The following DLC1 variants were observed in gnomAD, a reference collection of about 807,000 sequenced individuals.
The protein encoded by DLC1 is rho GTPase-activating protein 7.
In DLC1, 54 loss-of-function variants were observed where a neutral mutation model predicts 140.3. The ratio of observed to expected loss-of-function variants is 0.38; its 90% confidence interval spans 0.31 to 0.48. The LOEUF (loss-of-function observed/expected upper bound fraction) is 0.48, where lower values mean the gene tolerates loss of function less well. Among genes scored for constraint, DLC1 ranks in the 20% least tolerant of loss-of-function variants. The pLI, the probability that DLC1 is intolerant of heterozygous loss-of-function variation, is 0.96. For missense variants in DLC1, 2,536 were observed against 1,907.0 expected (o/e 1.33, Z -6.14); for synonymous variants, 986 against 728.1 (o/e 1.35, Z -5.70).
At chr8:13,513,321 A>G (rs1183271333) in intron 1 of DLC1, among the ~76,000 whole-genome samples, 2 of 152,276 alleles carry the variant, frequency 1.3e-5, no homozygotes, top group South Asian at 2.1e-4. Flanking sequence ...TATCTTCCAC[A>G]TATATAAAAA....
At chr8:13,255,738 C>G (rs1586014374) in intron 5 of DLC1, among the ~76,000 whole-genome samples, 1 of 152,208 alleles carries the variant, frequency 6.6e-6, no homozygotes, top group African/African-American at 2.4e-5. Flanking sequence ...GTCATGATCA[C>G]TTTCCGTCCA....
chr8:13,162,667 G>A (rs1380744893), intron 5 of DLC1, among the ~76,000 whole-genome samples: 1 of 152,094 alleles, frequency 6.6e-6, no homozygotes, highest in Admixed American at 6.5e-5. Flanking sequence ...GGTACAGTGG[G>A]TACAGCTCAC....
At chr8:13,569,865 G>A (rs1453438118) in intron 1 of DLC1, among the ~76,000 whole-genome samples, 1 of 152,098 alleles carries the variant, frequency 6.6e-6, no homozygotes, top group African/African-American at 2.4e-5. Flanking sequence ...GGGACTACAG[G>A]TGCGTGCCGC....
chr8:13,191,564 C>T lies in DLC1; in HGVS notation c.1349-75907G>A, dbSNP rs188079232. ...AGAAAGTAAAGTATGTGCCTGGTGG[C>T]GTGCACTGAAGACAGTATTTAAGAT... On this transcript the variant is annotated intron_variant, in intron 5 of 17. Coordinates refer to ENST00000276297, the MANE Select transcript of DLC1 (RefSeq NM_182643.3). Among the ~76,000 whole-genome samples the T allele has an allele frequency of 3.0e-3, 451 of 152,284 alleles. 1 individual carries two copies. Among genetic ancestry groups the T allele is most frequent in the Non-Finnish European group, 4.9e-3 (334 of 68,016 alleles).
At chr8:13,179,495 C>G (rs1488546311) in intron 5 of DLC1, among the ~76,000 whole-genome samples, 1 of 152,088 alleles carries the variant, frequency 6.6e-6, no homozygotes, top group East Asian at 1.9e-4. Flanking sequence ...CTGAGGCAGA[C>G]AGATTGCTTG....
At chr8:13,365,792 T>C (rs13277620) in intron 4 of DLC1, among the ~76,000 whole-genome samples, 32,203 of 151,936 alleles carry the variant, frequency 0.21, 4,165 homozygotes, top group Non-Finnish European at 0.26. Flanking sequence ...AAAAAATCAC[T>C]CAACTGCTAA....
chr8:13,132,956 T>G, intron 5 of DLC1: 4 of 1,610,674 alleles, frequency 2.5e-6, no homozygotes, highest in Non-Finnish European at 3.4e-6. Context: ...GTTAGGATCA[T>G]GGTGTCCGGC....
At chr8:13,538,156 G>T (rs184715742) in intron 1 of DLC1, among the ~76,000 whole-genome samples, 2 of 152,040 alleles carry the variant, frequency 1.3e-5, no homozygotes, top group Admixed American at 1.3e-4. Flanking sequence ...GGAGAAATAG[G>T]CCTTCTTAAA....
intron 2 of DLC1, among the ~76,000 whole-genome samples, chr8:13,420,110 C>G (rs1052240861): frequency 4.0e-5 from 6 of 151,764 alleles, no homozygotes; most frequent in East Asian, 3.9e-4. Context: ...CTCTTTTTTT[C>G]TTTATTAGTC....
At chr8:13,196,883 G>T (rs1170829502) in intron 5 of DLC1, among the ~76,000 whole-genome samples, 2 of 152,186 alleles carry the variant, frequency 1.3e-5, no homozygotes, top group Non-Finnish European at 2.9e-5. Context: ...GTGTGAATTT[G>T]ATTCTACTAC....
At chr8:13,540,031 C>G (rs1357786126) in intron 1 of DLC1, among the ~76,000 whole-genome samples, 1 of 152,056 alleles carries the variant, frequency 6.6e-6, no homozygotes, top group Non-Finnish European at 1.5e-5. Context: ...GTGTGCAGCA[C>G]AAAACAGAAA....
chr8:13,532,197 G>C (rs897240889), intron 1 of DLC1, among the ~76,000 whole-genome samples: 1 of 152,156 alleles, frequency 6.6e-6, no homozygotes, highest in Non-Finnish European at 1.5e-5. Flanking sequence ...TTGAGCCCAG[G>C]ACGTTGAGGT....
chr8:13,402,880 T>G (rs1837361274), intron 2 of DLC1, among the ~76,000 whole-genome samples: 1 of 152,216 alleles, frequency 6.6e-6, no homozygotes. Flanking sequence ...TAATCTAATT[T>G]TATAGAACTC....
intron 2 of DLC1, among the ~76,000 whole-genome samples, chr8:13,480,717 A>G (rs144467802): frequency 9.8e-5 from 15 of 152,324 alleles, no homozygotes; most frequent in African/African-American, 3.6e-4. Flanking sequence ...CAGCCTCGCC[A>G]ACAGGGTGAA....
intron 7 of DLC1, among the ~76,000 whole-genome samples, chr8:13,104,020 A>T (rs1819339438): frequency 6.6e-6 from 1 of 152,196 alleles, no homozygotes; most frequent in African/African-American, 2.4e-5. Context: ...TCTCCGATGA[A>T]TCATAATCTT....
chr8:13,289,618 A>C (rs1158864979), intron 5 of DLC1, among the ~76,000 whole-genome samples: 1 of 152,212 alleles, frequency 6.6e-6, no homozygotes, highest in Non-Finnish European at 1.5e-5. Flanking sequence ...GGCATAAGCC[A>C]CTGTGACCAG....
chr8:13,581,042 A>G (rs1374120832), intron 1 of DLC1, among the ~76,000 whole-genome samples: 1 of 152,190 alleles, frequency 6.6e-6, no homozygotes, highest in Admixed American at 6.5e-5. Context: ...GTGAAACCTT[A>G]AAGTTGTCAG....
intron 5 of DLC1, among the ~76,000 whole-genome samples, chr8:13,199,543 G>T (rs1827260821): frequency 6.6e-6 from 1 of 151,948 alleles, no homozygotes; most frequent in African/African-American, 2.4e-5. Context: ...CACCTGCTCT[G>T]TTGTTCTGCA....
chr8:13,121,699 C>G (rs1454042783), intron 5 of DLC1, among the ~76,000 whole-genome samples: 1 of 148,758 alleles, frequency 6.7e-6, no homozygotes, highest in African/African-American at 2.6e-5. Context: ...CAGGTGTGTA[C>G]CACCATGCCT....
Sources: gnomAD v4.1 joint callset for allele counts (sites outside exome capture counted in the v4.1 genomes callset) on GRCh38, gnomAD v4.1.1 for gene constraint, MANE v1.5 for transcripts, NCBI Gene and HGNC (gene_info 2026-07-23, HGNC 2026-07-21) for gene names.